PDE1C: variants seen among roughly 807,000 people sequenced by gnomAD.
PDE1C encodes the protein dual specificity calcium/calmodulin-dependent 3',5'-cyclic nucleotide phosphodiesterase 1C.
Under a neutral mutation model 93.1 loss-of-function variants are expected in PDE1C, and 62 were observed. The ratio of observed to expected loss-of-function variants is 0.67; its 90% CI spans 0.54 to 0.82. The LOEUF (loss-of-function observed/expected upper bound fraction) is 0.82. PDE1C is among the 40% of genes least tolerant of loss of function. PDE1C has a pLI of 0.00. For missense variants in PDE1C, 742 were observed against 884.6 expected (o/e 0.84, Z 2.04); for synonymous variants, 325 against 310.1 (o/e 1.05, Z -0.50).
intron 1 of PDE1C, among the ~76,000 whole-genome samples, chr7:32,266,221 G>T (rs957399187): frequency 1.3e-5 from 2 of 152,112 alleles, no homozygotes; most frequent in Non-Finnish European, 1.5e-5. Context: ...GGTACAGCTT[G>T]CAGTGAGCCG....
At chr7:31,999,585 T>G (rs1424331015) in intron 2 of PDE1C, among the ~76,000 whole-genome samples, 1 of 152,156 alleles carries the variant, frequency 6.6e-6, no homozygotes, top group Non-Finnish European at 1.5e-5. Flanking sequence ...ATTGATAAAT[T>G]ATTAAATCTG....
chr7:32,405,044 C>T (rs1785023698), intron 1 of PDE1C, among the ~76,000 whole-genome samples: 1 of 152,112 alleles, frequency 6.6e-6, no homozygotes. Context: ...GGTTGAGGAT[C>T]CAGCCCTCCA....
At chr7:32,287,641 C>A (rs912492921) in intron 1 of PDE1C, among the ~76,000 whole-genome samples, 2 of 152,212 alleles carry the variant, frequency 1.3e-5, no homozygotes, top group African/African-American at 4.8e-5. Context: ...GTGGTTACGA[C>A]CCATGCGCAG....
At chr7:31,672,768 G>A in the PDE1C span, among the ~76,000 whole-genome samples, 1 of 151,518 alleles carries the variant, frequency 6.6e-6, no homozygotes, top group East Asian at 1.9e-4. Flanking sequence ...GAATGGGAAA[G>A]CTTTATAGTG....
rs570647372 is a variant in PDE1C, at chr7:32,007,604, C to CCA, written c.128+43948_128+43949dup. ...CACTTCAGGTCTTTGCCTTTTCTGT[C>CCA]CACACTATATTTATTTGCACACAAA... On this transcript the variant is annotated intron_variant, in intron 2 of 17. Transcript: ENST00000396191. Among the ~76,000 whole-genome samples the CCA allele has an allele frequency of 4.0e-4, 61 of 152,302 alleles. 1 individual carries two copies. In the South Asian group the frequency reaches 0.012, roughly 29 times the overall value.
chr7:31,946,323 C>T (rs1389418570), intron 2 of PDE1C, among the ~76,000 whole-genome samples: 1 of 152,100 alleles, frequency 6.6e-6, no homozygotes, highest in Non-Finnish European at 1.5e-5. Context: ...TTTGGAACAA[C>T]AAGCTCTGTG....
the PDE1C span, among the ~76,000 whole-genome samples, chr7:31,697,627 A>G: frequency 6.8e-6 from 1 of 147,066 alleles, no homozygotes; most frequent in Admixed American, 6.6e-5. Context: ...TCTGTGAGAT[A>G]CAGTCCTTGT....
chr7:32,366,033 C>G lies in PDE1C; in HGVS notation c.310+61789G>C, dbSNP rs1367983230. On this transcript the variant is annotated intron_variant, in intron 1 of 1. Coordinates refer to the PDE1C transcript ENST00000672256. Reference sequence around the variant, plus strand: ...CATCAAACATGAAAAAGCAAGGAAACATGACACCTCCAAATGAACACAATA... The same window carrying G: ...CATCAAACATGAAAAAGCAAGGAAAGATGACACCTCCAAATGAACACAATA... Among the ~76,000 whole-genome samples, 4 of 152,078 alleles carry G rather than the reference C, an allele frequency of 2.6e-5. No individual in the cohort carries two copies. The East Asian group carries it at 5.8e-4, about 22-fold the overall frequency.
intron 9 of PDE1C, among the ~76,000 whole-genome samples, chr7:31,840,443 A>G (rs953602604): frequency 5.9e-5 from 9 of 152,078 alleles, no homozygotes; most frequent in African/African-American, 1.9e-4. Flanking sequence ...GTGTCTTCCA[A>G]AGAGCAAAAG....
Position 32,048,681 on chromosome 7 carries a change from C to T in PDE1C, c.128+2873G>A, listed in dbSNP as rs552397608. ...AAGTCCTTCCTGAATTCCTGACCTG[C>T]AAAATTATGAGCAGAATAAAAGTTA... On this transcript the variant is annotated intron_variant, in intron 2 of 17. Coordinates refer to ENST00000396191, the MANE Select transcript of PDE1C (RefSeq NM_001191057.4). Among the ~76,000 whole-genome samples, 13 of 152,198 alleles carry T rather than the reference C, an allele frequency of 8.5e-5. No homozygotes were observed. The South Asian group carries it at 2.7e-3, about 32-fold the overall frequency.
intron 2 of PDE1C, among the ~76,000 whole-genome samples, chr7:31,895,026 T>C (rs558323526): frequency 6.6e-6 from 1 of 152,178 alleles, no homozygotes; most frequent in South Asian, 2.1e-4. Context: ...CAGGACACCC[T>C]TACACAAACC....
At chr7:32,087,841 G>C (rs10264116) in intron 3 of PDE1C, among the ~76,000 whole-genome samples, 7,042 of 150,082 alleles carry the variant, frequency 0.047, 552 homozygotes, top group African/African-American at 0.16. Flanking sequence ...TCACACTCTA[G>C]GGACTGTTGT....
At chr7:32,302,838 C>A (rs1812911678), upstream of PDE1C, among the ~76,000 whole-genome samples, 1 of 152,118 alleles carries the variant, frequency 6.6e-6, no homozygotes, top group South Asian at 2.1e-4. Flanking sequence ...AGGAAGCTAC[C>A]TACTATTTGG....
At chr7:32,275,134 T>C (rs1811198710) in intron 1 of PDE1C, among the ~76,000 whole-genome samples, 1 of 152,128 alleles carries the variant, frequency 6.6e-6, no homozygotes. Context: ...CCCAGAACTT[T>C]TTACCCAAAA....
chr7:31,704,967 G>C, the PDE1C span, among the ~76,000 whole-genome samples: 1 of 152,276 alleles, frequency 6.6e-6, no homozygotes, highest in East Asian at 1.9e-4. Context: ...AGATACTCCT[G>C]ACTTAAGGCT....
intron 2 of PDE1C, among the ~76,000 whole-genome samples, chr7:31,945,984 C>A (rs1806550455): frequency 6.6e-6 from 1 of 152,094 alleles, no homozygotes; most frequent in African/African-American, 2.4e-5. Context: ...TTCTTCATTT[C>A]TCTTACTGTA....
intron 2 of PDE1C, among the ~76,000 whole-genome samples, chr7:31,888,959 T>C (rs1050980442): frequency 1.3e-5 from 2 of 152,136 alleles, no homozygotes; most frequent in African/African-American, 4.8e-5. Context: ...TTACAAAATA[T>C]ATAAAATCAT....
intron 2 of PDE1C, among the ~76,000 whole-genome samples, chr7:32,207,584 G>A (rs527505109): frequency 2.6e-5 from 4 of 152,098 alleles, no homozygotes; most frequent in East Asian, 1.9e-4. Context: ...GACTTTTTCC[G>A]GAGTATGGCA....
At chr7:32,412,635 C>T (rs1291974472) in intron 1 of PDE1C, among the ~76,000 whole-genome samples, 1 of 152,170 alleles carries the variant, frequency 6.6e-6, no homozygotes, top group African/African-American at 2.4e-5. Flanking sequence ...GCTGTGATGT[C>T]ACTAGGCAAC....
Sources: gnomAD v4.1 joint callset for allele counts (sites outside exome capture counted in the v4.1 genomes callset) on GRCh38, gnomAD v4.1.1 for gene constraint, MANE v1.5 for transcripts, NCBI Gene and HGNC (gene_info 2026-07-23, HGNC 2026-07-21) for gene names.